SUCLG2: variants seen among roughly 807,000 people sequenced by gnomAD.
SUCLG2 encodes succinate--CoA ligase [GDP-forming] subunit beta, mitochondrial.
Under a neutral mutation model 47.9 loss-of-function variants are expected in SUCLG2, and 42 were observed. The observed-to-expected ratio is 0.88, with a 90% CI of 0.69 to 1.14. SUCLG2 has a LOEUF of 1.14. Ranked by LOEUF, SUCLG2 falls within the 50% of genes most tolerant of loss-of-function variation. The pLI is 0.00. For missense variants in SUCLG2, 571 were observed against 525.9 expected, an observed-to-expected ratio of 1.09 and a Z score of -0.84; for synonymous variants, 195 against 197.3, an observed-to-expected ratio of 0.99 and a Z score of 0.10.
At chr3:67,613,934 A>G (rs1268023613) in intron 1 of SUCLG2, among the ~76,000 whole-genome samples, 1 of 152,212 alleles carries the variant, frequency 6.6e-6, no homozygotes, top group Non-Finnish European at 1.5e-5. Context: ...TAGGACTTTC[A>G]CGAAATGCTG....
At chr3:67,384,854 C>A (rs1702227744) in intron 10 of SUCLG2, among the ~76,000 whole-genome samples, 1 of 152,228 alleles carries the variant, frequency 6.6e-6, no homozygotes, top group Non-Finnish European at 1.5e-5. Context: ...ACTGCTCAGG[C>A]AGCCACTGCC....
At chr3:67,421,698 G>C (rs984796354) in intron 9 of SUCLG2, among the ~76,000 whole-genome samples, 1 of 152,188 alleles carries the variant, frequency 6.6e-6, no homozygotes, top group South Asian at 2.1e-4. Context: ...TTCATTGGGA[G>C]AAAGGGGCTT....
intron 2 of SUCLG2, among the ~76,000 whole-genome samples, chr3:67,603,968 G>A (rs950725900): frequency 3.3e-5 from 5 of 152,132 alleles, no homozygotes; most frequent in African/African-American, 7.2e-5. Flanking sequence ...TGTATGCAAC[G>A]TAAACAACTC....
At chr3:67,621,115 T>G (rs1234660418) in intron 1 of SUCLG2, among the ~76,000 whole-genome samples, 1 of 152,210 alleles carries the variant, frequency 6.6e-6, no homozygotes, top group African/African-American at 2.4e-5. Context: ...ACTCTGCCTT[T>G]GTAGTGCAAA....
At chr3:67,614,954 G>A (rs1242720766) in intron 1 of SUCLG2, among the ~76,000 whole-genome samples, 3 of 152,082 alleles carry the variant, frequency 2.0e-5, no homozygotes, top group East Asian at 1.9e-4. Context: ...GGGGTAGGTG[G>A]GCACCTAGGT....
chr3:67,488,423 G>A (rs1705118684), intron 9 of SUCLG2, among the ~76,000 whole-genome samples: 1 of 152,146 alleles, frequency 6.6e-6, no homozygotes, highest in African/African-American at 2.4e-5. Context: ...CTGAATCCAT[G>A]GGGCACATCC....
At chr3:67,393,796 C>A (rs1702453829) in intron 10 of SUCLG2, among the ~76,000 whole-genome samples, 1 of 152,168 alleles carries the variant, frequency 6.6e-6, no homozygotes, top group South Asian at 2.1e-4. Flanking sequence ...TGACACCTCA[C>A]ATGGCCGGGT....
rs757697438 is a variant in SUCLG2, at chr3:67,360,635, TA to T, written c.1316del (p.Leu439TyrfsTer8). 99 of 1,511,284 alleles carry T rather than the reference TA, an allele frequency of 6.6e-5. 1 individual carries two copies. Among genetic ancestry groups the T allele is most frequent in the African/African-American group, 5.3e-4 (38 of 72,080 alleles). 93.6% of individuals were successfully genotyped at this position (1,511,284 alleles called of 1,614,324 possible). A position where few individuals can be genotyped will look rare whatever the true frequency, so the allele number is the denominator to read the frequency against. ...ATCTTAGCAAAGTAAATCTTTAACA[TA>T]AAAAAATGCTGATGGCACACTTACT... On this transcript the variant is annotated frameshift_variant, in exon 11 of 11. Coordinates refer to the SUCLG2 transcript ENST00000493112. LOFTEE classifies it high-confidence loss of function.
intron 6 of SUCLG2, among the ~76,000 whole-genome samples, chr3:67,510,889 CTTTTTTTTT>C (rs369542916): frequency 8.1e-6 from 1 of 124,156 alleles, no homozygotes; most frequent in Non-Finnish European, 1.7e-5. Context: ...TTAAATTGTT[CTTTTTTTTT>C]TTTTTTTTTT....
chr3:67,592,743 A>AAAAAAAAAAAAAAAAAAAAAAAAAAAAC (rs1559587055), intron 2 of SUCLG2, among the ~76,000 whole-genome samples: 1 of 148,484 alleles, frequency 6.7e-6, no homozygotes, highest in African/African-American at 2.6e-5. Flanking sequence ...AAAACAACAA[A>AAAAAAAAAAAAAAAAAAAAAAAAAAAAC]AAAAAACTGA....
At chr3:67,404,242 G>A (rs556974710) in intron 9 of SUCLG2, among the ~76,000 whole-genome samples, 16 of 152,118 alleles carry the variant, frequency 1.1e-4, no homozygotes, top group African/African-American at 3.1e-4. Context: ...CTGAAACGCC[G>A]AAGAGAAGTT....
chr3:67,605,375 T>C (rs1343373960), intron 2 of SUCLG2, among the ~76,000 whole-genome samples: 2 of 152,182 alleles, frequency 1.3e-5, no homozygotes, highest in Non-Finnish European at 2.9e-5. Context: ...AATTTTTATA[T>C]TTATGATCAA....
chr3:67,392,152 C>A lies in SUCLG2; in HGVS notation c.1183+8579G>T, dbSNP rs118030655. Among the ~76,000 whole-genome samples the A allele has an allele frequency of 4.3e-3, 653 of 152,290 alleles. 13 individuals carry two copies. The East Asian group carries it at 0.057, about 13-fold the overall frequency. ...CCTCACCAGTGCCCACTCACCTCTT[C>A]ATCTCCTTCCTCCTTCACTGACCCC... On this transcript the variant is annotated intron_variant, in intron 10 of 10. Coordinates refer to ENST00000307227, the MANE Select transcript of SUCLG2 (RefSeq NM_003848.4).
intron 2 of SUCLG2, among the ~76,000 whole-genome samples, chr3:67,561,422 G>A (rs1219397747): frequency 6.6e-6 from 1 of 152,010 alleles, no homozygotes; most frequent in Non-Finnish European, 1.5e-5. Context: ...TTCCTGCTCA[G>A]CAAGTCTTAA....
intron 9 of SUCLG2, among the ~76,000 whole-genome samples, chr3:67,473,568 CTTTT>C (rs772517682): frequency 0.022 from 3,301 of 152,242 alleles, 41 homozygotes; most frequent in Middle Eastern, 0.058. Flanking sequence ...CATTAAGAGT[CTTTT>C]GACTACACGA....
At chr3:67,419,069 T>A (rs1216059349) in intron 9 of SUCLG2, among the ~76,000 whole-genome samples, 2 of 152,184 alleles carry the variant, frequency 1.3e-5, no homozygotes, top group African/African-American at 4.8e-5. Context: ...GCTTGCTTCC[T>A]GATATTACAA....
intron 2 of SUCLG2, among the ~76,000 whole-genome samples, chr3:67,601,318 T>C (rs1302920162): frequency 1.3e-5 from 2 of 152,164 alleles, no homozygotes; most frequent in Non-Finnish European, 2.9e-5. Context: ...TAGAAGATAT[T>C]TTTTACTTAT....
At chr3:67,642,108 A>T (rs1701111772) in intron 1 of SUCLG2, among the ~76,000 whole-genome samples, 1 of 152,182 alleles carries the variant, frequency 6.6e-6, no homozygotes, top group African/African-American at 2.4e-5. Context: ...TTACAGAGAA[A>T]ATCAAATTAC....
At chr3:67,636,312 C>G (rs905517998) in intron 1 of SUCLG2, among the ~76,000 whole-genome samples, 14 of 151,272 alleles carry the variant, frequency 9.3e-5, no homozygotes, top group Admixed American at 3.3e-4. Context: ...GGAGAAGATT[C>G]TCATTCAAAG....
Sources: allele counts gnomAD v4.1 joint callset (sites outside exome capture counted in the v4.1 genomes callset), GRCh38; gene constraint gnomAD v4.1.1; transcripts MANE v1.5; gene names NCBI Gene and HGNC (gene_info 2026-07-23, HGNC 2026-07-21).